GDA: variants seen among roughly 807,000 people sequenced by gnomAD.
The protein encoded by GDA is guanine deaminase, also known as cytoplasmic PSD-95 interactor.
In GDA, 18 loss-of-function variants were observed where a neutral mutation model predicts 59.6. The observed-to-expected ratio is 0.30, with a 90% CI of 0.21 to 0.45. The LOEUF is 0.45. Among genes scored for constraint, GDA ranks in the 20% least tolerant of loss-of-function variants. GDA has a pLI of 1.00. For missense variants in GDA, 427 were observed against 552.3 expected, an observed-to-expected ratio of 0.77 and a Z score of 2.27; for synonymous variants, 201 against 201.1, an observed-to-expected ratio of 1.00 and a Z score of 0.00.
At chr9:72,164,562 A>G (rs1829051621) in intron 1 of GDA, among the ~76,000 whole-genome samples, 1 of 152,242 alleles carries the variant, frequency 6.6e-6, no homozygotes, top group Admixed American at 6.5e-5. Flanking sequence ...GTGTTTTATC[A>G]TATGAGAAAA....
At chr9:72,213,811 A>G (rs1352027260) in intron 4 of GDA, 75 bp from the exon 5 acceptor site, 45 of 941,156 alleles carry the variant, frequency 4.8e-5, no homozygotes, top group Non-Finnish European at 7.1e-5. Context: ...TCAAAAAAAA[A>G]AAAAAAAAGA....
At chr9:72,136,711 TATGCCTGTA>T (rs1826236864) in intron 1 of GDA, among the ~76,000 whole-genome samples, 1 of 152,032 alleles carries the variant, frequency 6.6e-6, no homozygotes, top group Non-Finnish European at 1.5e-5. Flanking sequence ...CACGGTGGCT[TATGCCTGTA>T]ATCCCAGGAC....
At chr9:72,188,372 A>C (rs1334952773) in intron 1 of GDA, among the ~76,000 whole-genome samples, 2 of 152,146 alleles carry the variant, frequency 1.3e-5, no homozygotes, top group African/African-American at 2.4e-5. Context: ...GCCCAGACCG[A>C]CCTCACATCT....
At chr9:72,153,223 G>A (rs970744108) in intron 1 of GDA, among the ~76,000 whole-genome samples, 14 of 151,800 alleles carry the variant, frequency 9.2e-5, no homozygotes, top group South Asian at 2.1e-4. Flanking sequence ...GTCAGGTAGC[G>A]TGATGCCTCC....
downstream of GDA, among the ~76,000 whole-genome samples, chr9:72,254,051 C>G (rs115392166): frequency 4.8e-3 from 734 of 152,262 alleles, 2 homozygotes; most frequent in African/African-American, 0.017. Flanking sequence ...GTTACTGGAA[C>G]TACTGGAACA....
chr9:72,152,613 CT>C (rs1263803202), intron 1 of GDA, among the ~76,000 whole-genome samples: 1 of 152,134 alleles, frequency 6.6e-6, no homozygotes, highest in East Asian at 1.9e-4. Context: ...TGTTCATATC[CT>C]TTGCCCACTT....
chr9:72,150,904 G>A (rs1587355914), intron 1 of GDA, among the ~76,000 whole-genome samples: 1 of 152,176 alleles, frequency 6.6e-6, no homozygotes, highest in African/African-American at 2.4e-5. Context: ...TGGGGACTTG[G>A]TCCTCAAGTT....
chr9:72,240,598 G>A (rs777821868), intron 10 of GDA, among the ~76,000 whole-genome samples: 29 of 152,164 alleles, frequency 1.9e-4, no homozygotes, highest in Non-Finnish European at 2.9e-4. Context: ...GAGATCTCAA[G>A]ATGAGATTAT....
intron 1 of GDA, among the ~76,000 whole-genome samples, chr9:72,156,979 C>T (rs1827964224): frequency 1.3e-5 from 2 of 150,620 alleles, no homozygotes; most frequent in South Asian, 4.2e-4. Context: ...CATCACTGAG[C>T]AGTTGAACTA....
intron 1 of GDA, among the ~76,000 whole-genome samples, chr9:72,155,947 G>T (rs918632804): frequency 6.6e-6 from 1 of 152,278 alleles, no homozygotes; most frequent in Admixed American, 6.5e-5. Context: ...AGGATAAAAT[G>T]GATTAGTAAG....
In GDA at chr9:72,138,702, G is replaced by A. The variant is rs930516816; in HGVS notation, c.-100+23869G>A. ...TATCACAGCCACATGTGTGCCTGTC[G>A]GTTTCTGCCATTATCTTATAAGCTT... On this transcript the variant is annotated intron_variant, in intron 1 of 13. Transcript: ENST00000545168. Among the ~76,000 whole-genome samples the A allele has an allele frequency of 5.3e-5, 8 of 152,154 alleles. No individual in the cohort carries two copies. In the East Asian group the frequency reaches 1.2e-3, roughly 22 times the overall value.
chr9:72,176,353 G>A lies in GDA; in HGVS notation c.124-19147G>A, dbSNP rs894426156. 9.8e-5 allele frequency among the ~76,000 whole-genome samples: 15 copies of A among 152,288 alleles called. No homozygotes were observed. The South Asian group carries it at 1.5e-3, about 15-fold the overall frequency. On this transcript the variant is annotated intron_variant, in intron 1 of 13. Coordinates refer to ENST00000358399, the MANE Select transcript of GDA (RefSeq NM_004293.5). ...TATGAGCGAGTCTTAAAAGTCACACGGTGTGGTGAATGCTTCATTCCAAGC... is the reference window on the plus strand; with the variant it reads ...TATGAGCGAGTCTTAAAAGTCACACAGTGTGGTGAATGCTTCATTCCAAGC...
At chr9:72,229,325 T>C (rs1328897918) in intron 9 of GDA, among the ~76,000 whole-genome samples, 4 of 152,030 alleles carry the variant, frequency 2.6e-5, no homozygotes, top group East Asian at 3.9e-4. Context: ...CACTCCAACC[T>C]GGGCGACAGA....
chr9:72,134,397 C>T (rs1162506129), intron 1 of GDA, among the ~76,000 whole-genome samples: 11 of 103,294 alleles, frequency 1.1e-4, no homozygotes, highest in Admixed American at 9.6e-4. Flanking sequence ...AGGCCTCCCC[C>T]GCCAACTTTT....
At chr9:72,171,654 G>T (rs1189144455) in intron 1 of GDA, among the ~76,000 whole-genome samples, 1 of 151,996 alleles carries the variant, frequency 6.6e-6, no homozygotes, top group African/African-American at 2.4e-5. Context: ...TTTCAGCTTA[G>T]AATCTCTTTT....
At chr9:72,177,369 T>A (rs1830670579) in intron 1 of GDA, among the ~76,000 whole-genome samples, 1 of 152,170 alleles carries the variant, frequency 6.6e-6, no homozygotes, top group African/African-American at 2.4e-5. Flanking sequence ...GTGCTGGGAT[T>A]ACAGGCGTGA....
intron 1 of GDA, among the ~76,000 whole-genome samples, chr9:72,183,977 T>A (rs999840278): frequency 4.6e-5 from 7 of 152,214 alleles, no homozygotes; most frequent in African/African-American, 1.7e-4. Context: ...CTATACCTTA[T>A]ACCACTTTGC....
intron 2 of GDA, among the ~76,000 whole-genome samples, chr9:72,197,934 A>T (rs961690213): frequency 6.6e-6 from 1 of 152,100 alleles, no homozygotes; most frequent in East Asian, 1.9e-4. Context: ...GTGCTGTGGT[A>T]GGAGTGAATC....
intron 1 of GDA, among the ~76,000 whole-genome samples, chr9:72,170,080 C>T (rs1829775392): frequency 6.6e-6 from 1 of 152,094 alleles, no homozygotes; most frequent in Non-Finnish European, 1.5e-5. Context: ...AAGATTTTTC[C>T]CCTTTAATAT....
Sources: gnomAD v4.1 joint callset for allele counts (sites outside exome capture counted in the v4.1 genomes callset) on GRCh38, gnomAD v4.1.1 for gene constraint, MANE v1.5 for transcripts, NCBI Gene and HGNC (gene_info 2026-07-23, HGNC 2026-07-21) for gene names.